GNAI1: variants seen among roughly 807,000 people sequenced by gnomAD.
GNAI1 encodes G protein subunit alpha i1.
Under a neutral mutation model 38.9 loss-of-function variants are expected in GNAI1, and 11 were observed. The observed-to-expected ratio is 0.28, with a 90% CI of 0.18 to 0.47. The LOEUF (loss-of-function observed/expected upper bound fraction) is 0.47, where lower values mean the gene tolerates loss of function less well. Ranked by LOEUF, GNAI1 falls within the 20% of genes least tolerant of loss-of-function variation. The probability of loss-of-function intolerance (pLI) is 0.99; values close to 1 mark genes in which losing one functional copy is unlikely to be tolerated. For missense variants in GNAI1, 317 were observed against 436.9 expected (o/e 0.73, Z 2.45); for synonymous variants, 166 against 145.1 (o/e 1.14, Z -1.04).
chr7:80,193,676 A>T (rs993506126), intron 3 of GNAI1, among the ~76,000 whole-genome samples: 2 of 152,196 alleles, frequency 1.3e-5, no homozygotes, highest in African/African-American at 4.8e-5. Context: ...TGTCCACAAG[A>T]GTGTGCACAA....
Position 80,226,081 on chromosome 7 carries a change from CCTCT to C in GNAI1, c.*8589_*8592del, listed in dbSNP as rs1405537879. On this transcript the variant is annotated 3_prime_UTR_variant, in exon 8 of 8. Transcript: ENST00000649796. ...TGAATGATTAAACCTGATTTAAGTC[CCTCT>C]AACAATTATGAAGAAAAAAAAAGAC... 1.3e-5 allele frequency among the ~76,000 whole-genome samples: 2 copies of C among 151,506 alleles called. No homozygotes were observed. The highest frequency in any genetic ancestry group is 2.9e-5 in the Non-Finnish European group (2 of 67,880).
At chr7:80,145,123 CT>C (rs1787595965) in intron 1 of GNAI1, among the ~76,000 whole-genome samples, 1 of 152,162 alleles carries the variant, frequency 6.6e-6, no homozygotes, top group Admixed American at 6.5e-5. Flanking sequence ...CAAGTCATGC[CT>C]AGCTTTAAAA....
At chr7:80,172,286 T>C (rs947127205) in intron 1 of GNAI1, among the ~76,000 whole-genome samples, 33 of 152,316 alleles carry the variant, frequency 2.2e-4, no homozygotes, top group African/African-American at 7.9e-4. Context: ...CATTAAAAAG[T>C]TGTTACAGAT....
intron 1 of GNAI1, among the ~76,000 whole-genome samples, chr7:80,141,787 C>G (rs1346472382): frequency 6.6e-6 from 1 of 152,202 alleles, no homozygotes; most frequent in Non-Finnish European, 1.5e-5. Context: ...ATCTTTAATA[C>G]TTTGCTTGGA....
rs1788436533 is a variant in GNAI1 at position 80,189,118 on chromosome 7, G to A, written c.190G>A (p.Glu64Lys). ...TATCCATGAAGCTGGTTATTCAGAA[G>A]AGGAGTGTAAACAATACAAAGCAGT... ...KIIHEAGYSE[E>K]ECKQYKAVVY... The change falls in exon 3 of 8, where the codon GAG becomes AAG. Residue 64 changes from glutamate to lysine, a missense_variant. Around this residue, in one of 5 missense-constraint regions of GNAI1, gnomAD observed 40 missense variants for 78.0 expected, o/e 0.51. Coordinates refer to ENST00000649796, the MANE Select transcript of GNAI1 (RefSeq NM_002069.6). 1 of 1,606,336 alleles carries A rather than the reference G, an allele frequency of 6.2e-7. No individual in the cohort carries two copies. The highest frequency in any genetic ancestry group is 8.5e-7 in the Non-Finnish European group (1 of 1,176,584).
chr7:80,214,946 A>G (rs1788934923), intron 7 of GNAI1, among the ~76,000 whole-genome samples: 1 of 152,150 alleles, frequency 6.6e-6, no homozygotes, highest in African/African-American at 2.4e-5. Flanking sequence ...AACTGCTTGA[A>G]CATACATGTT....
intron 1 of GNAI1, 134 bp downstream of exon 1, chr7:80,135,412 G>A (rs1787392014): frequency 2.0e-6 from 1 of 508,168 alleles, no homozygotes; most frequent in Non-Finnish European, 3.2e-6. Flanking sequence ...AGCTGGGTCC[G>A]GCGGTGCGGA....
chr7:80,188,826 C>G, intron 1 of GNAI1, 125 bp from the exon 2 acceptor site: 1 of 661,106 alleles, frequency 1.5e-6, no homozygotes. Flanking sequence ...AAATTCAGCT[C>G]TAAGAGGTAG....
At chr7:80,161,025 A>G (rs1256860371) in intron 1 of GNAI1, among the ~76,000 whole-genome samples, 2 of 152,168 alleles carry the variant, frequency 1.3e-5, no homozygotes, top group East Asian at 1.9e-4. Flanking sequence ...CTTTTAAAAT[A>G]TAGTACTCTT....
At chr7:80,188,503 G>A (rs529674008) in intron 1 of GNAI1, among the ~76,000 whole-genome samples, 1 of 150,974 alleles carries the variant, frequency 6.6e-6, no homozygotes, top group Non-Finnish European at 1.5e-5. Flanking sequence ...GAACTTTTCT[G>A]TGTGTTTAGA....
In GNAI1 at chr7:80,221,834, G is replaced by T. The variant is rs375258511; in HGVS notation, c.*4341G>T. ...ATTTTTGTATTTTTAGTAAAGGGGG[G>T]TTTCACCATGTTGGCCAGGATGGTC... On this transcript the variant is annotated 3_prime_UTR_variant, in exon 8 of 8. Transcript: ENST00000649796. Among the ~76,000 whole-genome samples, 159 of 151,810 alleles carry T rather than the reference G, an allele frequency of 1.0e-3. No individual in the cohort carries two copies. The South Asian group carries it at 0.011, about 11-fold the overall frequency.
At chr7:80,163,878 A>G (rs1257021947) in intron 1 of GNAI1, among the ~76,000 whole-genome samples, 2 of 151,680 alleles carry the variant, frequency 1.3e-5, no homozygotes, top group Non-Finnish European at 2.9e-5. Flanking sequence ...GATATGGTCC[A>G]TGCCTTTTTT....
rs1789117479 is a variant in GNAI1, at chr7:80,223,787, A to AT, written c.*6294_*6295insT. ...CTTCACAAGGCAATTTACCTGTAAT[A>AT]AATATAACTTTTTTGCAGACTTGAG... is the stretch of plus-strand genomic sequence containing the variant. On this transcript the variant is annotated 3_prime_UTR_variant, in exon 8 of 8. Transcript: ENST00000649796. Among the ~76,000 whole-genome samples, 1 of 151,408 alleles carries AT rather than the reference A, an allele frequency of 6.6e-6. No individual in the cohort carries two copies. The highest frequency in any genetic ancestry group is 1.5e-5 in the Non-Finnish European group (1 of 68,036).
At chr7:80,169,526 C>A (rs1400228011) in intron 1 of GNAI1, among the ~76,000 whole-genome samples, 4 of 152,138 alleles carry the variant, frequency 2.6e-5, no homozygotes, top group African/African-American at 7.2e-5. Flanking sequence ...CATTTAGGAA[C>A]AGTTTGCTCT....
chr7:80,209,216 T>C (rs183957650), intron 5 of GNAI1, among the ~76,000 whole-genome samples: 14 of 152,322 alleles, frequency 9.2e-5, no homozygotes, highest in African/African-American at 3.4e-4. Flanking sequence ...CACCTCATTC[T>C]CTGCACTAAA....
chr7:80,159,375 G>A (rs1046412743), intron 1 of GNAI1, among the ~76,000 whole-genome samples: 1 of 152,102 alleles, frequency 6.6e-6, no homozygotes, highest in Non-Finnish European at 1.5e-5. Context: ...CTTGAGAGGT[G>A]TCTAGAAAAG....
chr7:80,187,204 T>A (rs1402909031), intron 1 of GNAI1: 1 of 18,528 alleles, frequency 5.4e-5, no homozygotes, highest in Non-Finnish European at 1.2e-4. Flanking sequence ...TGTGTGTGTG[T>A]GTCTTTGTGT....
intron 7 of GNAI1, among the ~76,000 whole-genome samples, chr7:80,216,740 T>C (rs1006540725): frequency 3.3e-5 from 5 of 152,170 alleles, no homozygotes; most frequent in African/African-American, 9.7e-5. Flanking sequence ...GGAAGTCTTT[T>C]ATAGTCAATA....
chr7:80,182,995 A>G (rs1270102743), intron 1 of GNAI1, among the ~76,000 whole-genome samples: 1 of 152,186 alleles, frequency 6.6e-6, no homozygotes. Context: ...CATGAAGTCA[A>G]GTTCCTACCC....
Sources: allele counts gnomAD v4.1 joint callset (sites outside exome capture counted in the v4.1 genomes callset), GRCh38; gene constraint gnomAD v4.1.1; regional missense constraint gnomAD v4.1.1; transcripts MANE v1.5; gene names NCBI Gene and HGNC (gene_info 2026-07-23, HGNC 2026-07-21).